TARBP1: variants seen among roughly 807,000 people sequenced by gnomAD.
TARBP1 encodes the protein tRNA (guanosine(18)-2'-O)-methyltransferase TARBP1.
Under a neutral mutation model 178.6 loss-of-function variants are expected in TARBP1, and 144 were observed. The observed-to-expected ratio is 0.81, with a 90% CI of 0.70 to 0.93. The LOEUF is 0.93. Ranked by LOEUF, TARBP1 falls within the 40% of genes least tolerant of loss-of-function variation. TARBP1 has a pLI of 0.00. For missense variants in TARBP1, 2,067 were observed against 2,011.7 expected (o/e 1.03, Z -0.53); for synonymous variants, 787 against 781.0 (o/e 1.01, Z -0.13).
At chr1:234,457,000 C>T (rs1162593215) in intron 9 of TARBP1, among the ~76,000 whole-genome samples, 1 of 152,130 alleles carries the variant, frequency 6.6e-6, no homozygotes, top group Non-Finnish European at 1.5e-5. Context: ...AACAAATAAG[C>T]ACTGAAGTCA....
intron 23 of TARBP1, among the ~76,000 whole-genome samples, chr1:234,408,233 C>T (rs748640427): frequency 1.3e-5 from 2 of 150,948 alleles, no homozygotes; most frequent in Admixed American, 1.3e-4. Flanking sequence ...AGGAACACTT[C>T]GTGCTCTGAT....
chr1:234,447,394 C>T (rs1333042586), intron 11 of TARBP1, among the ~76,000 whole-genome samples: 17 of 104,616 alleles, frequency 1.6e-4, no homozygotes, highest in East Asian at 5.9e-4. Context: ...TGTTAACCAA[C>T]TTTTTTTTTT....
At chr1:234,448,345 T>C (rs1175602235) in intron 11 of TARBP1, 135 bp downstream of exon 11, 1 of 663,912 alleles carries the variant, frequency 1.5e-6, no homozygotes, top group East Asian at 2.7e-5. Context: ...TTCTTCAGTA[T>C]ACTGTTAATG....
chr1:234,394,918 C>T (rs186005606), intron 26 of TARBP1, among the ~76,000 whole-genome samples: 5 of 151,678 alleles, frequency 3.3e-5, no homozygotes, highest in South Asian at 2.1e-4. Flanking sequence ...GGTGAAACCC[C>T]GACTCTACTA....
In TARBP1 at chr1:234,409,787, T is replaced by C. The variant is rs369578065; in HGVS notation, c.3792+658A>G. On this transcript the variant is annotated intron_variant, in intron 23 of 29. Coordinates refer to ENST00000040877, the MANE Select transcript of TARBP1 (RefSeq NM_005646.4). The stretch of plus-strand genomic sequence containing the variant: ...ACACTATTTCAATTAAGTTTTCTCC[T>C]AGAGTTTATAGTATATCAGTACATT... Among the ~76,000 whole-genome samples, 170 of 152,358 alleles carry C rather than the reference T, an allele frequency of 1.1e-3. 2 individuals are homozygous for C. The South Asian group carries it at 0.034, about 31-fold the overall frequency.
intron 22 of TARBP1, among the ~76,000 whole-genome samples, chr1:234,411,205 G>T (rs559025831): frequency 3.4e-4 from 52 of 152,254 alleles, no homozygotes; most frequent in African/African-American, 1.2e-3. Flanking sequence ...GTAATACAAA[G>T]TTTAAAACTG....
intron 9 of TARBP1, 46 bp downstream of exon 9, chr1:234,457,621 T>A (rs760283578): frequency 1.4e-6 from 2 of 1,381,338 alleles, no homozygotes; most frequent in Non-Finnish European, 2.0e-6. Context: ...AAGAAAACCA[T>A]TTTTTATAGT....
At chr1:234,462,750 AT>A (rs1173078677) in intron 6 of TARBP1, among the ~76,000 whole-genome samples, 2 of 151,804 alleles carry the variant, frequency 1.3e-5, no homozygotes, top group East Asian at 1.9e-4. Flanking sequence ...CCATTAACAC[AT>A]TTTTTTAAAG....
At chr1:234,458,701 A>G (rs1667541651) in intron 8 of TARBP1, among the ~76,000 whole-genome samples, 1 of 152,192 alleles carries the variant, frequency 6.6e-6, no homozygotes, top group African/African-American at 2.4e-5. Flanking sequence ...ATATTCCTTG[A>G]ATGTCGATAC....
At chr1:234,400,445 T>C (rs1660565890) in intron 25 of TARBP1, 1 of 152,030 alleles carries the variant, frequency 6.6e-6, no homozygotes, top group Non-Finnish European at 1.5e-5. Context: ...TATAGATCTA[T>C]ACTTTTTTAC....
chr1:234,391,761 GAAGA>G lies in TARBP1; in HGVS notation c.4698-20_4698-17del, dbSNP rs768161917. 11 of 1,607,612 alleles carry G rather than the reference GAAGA, an allele frequency of 6.8e-6. No homozygotes were observed. Among genetic ancestry groups the G allele is most frequent in the Non-Finnish European group, 9.3e-6 (11 of 1,177,368 alleles). On this transcript the variant is annotated splice_polypyrimidine_tract_variant and intron_variant, in intron 29 of 29. Transcript: ENST00000040877. ...ACGTTCATTTCTGAGGAAGAAAATGGAAGAAAGATTAGTTTTCCTGTAACAAACA... is the reference window on the plus strand; with the variant it reads ...ACGTTCATTTCTGAGGAAGAAAATGGAAGATTAGTTTTCCTGTAACAAACA...
At chr1:234,412,720 AAAG>A (rs1042450207) in intron 22 of TARBP1, among the ~76,000 whole-genome samples, 1 of 152,194 alleles carries the variant, frequency 6.6e-6, no homozygotes, top group African/African-American at 2.4e-5. Context: ...TAAAGAGAAG[AAAG>A]AAGACCATTT....
intron 14 of TARBP1, among the ~76,000 whole-genome samples, chr1:234,433,063 C>G (rs1283737700): frequency 1.3e-5 from 2 of 152,142 alleles, no homozygotes; most frequent in Non-Finnish European, 2.9e-5. Flanking sequence ...CATGGTAAAA[C>G]CCGTCTCCAC....
intron 15 of TARBP1, 96 bp downstream of exon 15, chr1:234,429,991 C>T: frequency 8.1e-7 from 1 of 1,240,024 alleles, no homozygotes; most frequent in Non-Finnish European, 1.1e-6. Context: ...GAGCTTCAGC[C>T]CCAAAATTCT....
At chr1:234,438,878 A>C (rs573603135) in intron 12 of TARBP1, among the ~76,000 whole-genome samples, 1 of 152,348 alleles carries the variant, frequency 6.6e-6, no homozygotes, top group African/African-American at 2.4e-5. Flanking sequence ...TGATGAAAAA[A>C]CAATCTTGAA....
intron 22 of TARBP1, among the ~76,000 whole-genome samples, chr1:234,417,695 C>T (rs1407508177): frequency 2.6e-5 from 4 of 152,120 alleles, no homozygotes; most frequent in East Asian, 1.9e-4. Context: ...ATTCTTTCTA[C>T]GTTATGTTTG....
chr1:234,464,378 T>C (rs934432977), intron 5 of TARBP1, among the ~76,000 whole-genome samples: 3 of 152,236 alleles, frequency 2.0e-5, no homozygotes, highest in African/African-American at 7.2e-5. Flanking sequence ...GCAAGAGTAT[T>C]TAATTGTTAA....
chr1:234,421,678 T>C (rs1212843926), intron 20 of TARBP1, among the ~76,000 whole-genome samples: 1 of 152,250 alleles, frequency 6.6e-6, no homozygotes, highest in East Asian at 1.9e-4. Context: ...TAGTAACAGA[T>C]AGCTCTCTCT....
chr1:234,473,439 T>C (rs75758199), intron 1 of TARBP1, among the ~76,000 whole-genome samples: 6,243 of 152,278 alleles, frequency 0.041, 186 homozygotes, highest in African/African-American at 0.081. Context: ...CGTCTCTGAA[T>C]TGGGAGGCAC....
Sources: gnomAD v4.1 joint callset for allele counts (sites outside exome capture counted in the v4.1 genomes callset) on GRCh38, gnomAD v4.1.1 for gene constraint, MANE v1.5 for transcripts, NCBI Gene and HGNC (gene_info 2026-07-23, HGNC 2026-07-21) for gene names.